The following GAB1 variants were observed in gnomAD, a reference collection of about 807,000 sequenced individuals.
GAB1 encodes the protein GRB2-associated-binding protein 1.
A neutral mutation model predicts 66.5 loss-of-function variants in GAB1; 19 were observed. The observed-to-expected ratio is 0.29, with a 90% CI of 0.20 to 0.42. The LOEUF (loss-of-function observed/expected upper bound fraction) is 0.42. Ranked by LOEUF, GAB1 falls within the 10% of genes least tolerant of loss-of-function variation. The probability of loss-of-function intolerance (pLI) is 1.00; values close to 1 mark genes in which losing one functional copy is unlikely to be tolerated. For synonymous variants in GAB1, 294 were observed against 301.4 expected (o/e 0.98, Z 0.25); for missense variants, 732 against 858.5 (o/e 0.85, Z 1.84).
intron 1 of GAB1, among the ~76,000 whole-genome samples, chr4:143,344,247 G>T (rs1321645280): frequency 6.6e-6 from 1 of 152,162 alleles, no homozygotes; most frequent in Non-Finnish European, 1.5e-5. Context: ...TAGCCCAGCT[G>T]TGTGAGTGCC....
intron 8 of GAB1, 70 bp from the exon 9 acceptor site, chr4:143,466,033 G>A: frequency 2.6e-6 from 4 of 1,537,696 alleles, no homozygotes; most frequent in African/African-American, 1.4e-5. Context: ...GGCTTCCGTA[G>A]ATGTTCAACA....
At chr4:143,405,174 C>T (rs1418701439) in intron 1 of GAB1, among the ~76,000 whole-genome samples, 1 of 152,118 alleles carries the variant, frequency 6.6e-6, no homozygotes, top group Non-Finnish European at 1.5e-5. Context: ...ACATTCTACC[C>T]TCTGAGAGAC....
intron 3 of GAB1, chr4:143,434,233 A>C: frequency 1.4e-6 from 1 of 699,378 alleles, no homozygotes. Context: ...ATCCCAATAT[A>C]GCAAATTCCA....
chr4:143,348,328 T>C (rs947436037), intron 1 of GAB1, among the ~76,000 whole-genome samples: 2 of 152,224 alleles, frequency 1.3e-5, no homozygotes, highest in African/African-American at 2.4e-5. Context: ...ACTGCTTATA[T>C]AGCCCACAGC....
intron 8 of GAB1, among the ~76,000 whole-genome samples, chr4:143,460,856 C>T (rs944210823): frequency 4.3e-4 from 66 of 152,180 alleles, no homozygotes; most frequent in Non-Finnish European, 9.1e-4. Context: ...AGTTATATGT[C>T]ATTTAAGAGA....
chr4:143,391,338 A>G (rs902034796), intron 1 of GAB1: 1 of 152,200 alleles, frequency 6.6e-6, no homozygotes, highest in Non-Finnish European at 1.5e-5. Flanking sequence ...AAATCAAGGT[A>G]AACCTTGAGG....
At chr4:143,362,017 C>G (rs1729683522) in intron 1 of GAB1, among the ~76,000 whole-genome samples, 1 of 151,830 alleles carries the variant, frequency 6.6e-6, no homozygotes, top group Non-Finnish European at 1.5e-5. Context: ...CCTTGGCCTC[C>G]CAAGGTGCTG....
Position 143,438,486 on chromosome 4 carries a change from A to C in GAB1, c.1081A>C (p.Ser361Arg). ...TGACCGATCTCCTGTGGAAACGTGT[A>C]GTATCCCACGCACCGCCTCAGACAC... Reference protein sequence around the residue: ...AHDRSPVETCSIPRTASDTDS... With the variant: ...AHDRSPVETCRIPRTASDTDS... The change falls in exon 4 of 10, where the codon AGT becomes CGT. Residue 361 changes from serine (S) to arginine (R), a missense_variant. By Grantham distance (110) the Ser-to-Arg change is moderately radical (BLOSUM62 -1). This residue lies in a region of GAB1 where 427 missense variants were observed against 420.6 expected (regional missense o/e 1.02). Coordinates refer to ENST00000262994, the MANE Select transcript of GAB1 (RefSeq NM_002039.4). 6 of 1,614,016 alleles carry C rather than the reference A, an allele frequency of 3.7e-6. No homozygotes were observed. Among genetic ancestry groups the C allele is most frequent in the Non-Finnish European group, 5.1e-6 (6 of 1,179,968 alleles).
intron 1 of GAB1, among the ~76,000 whole-genome samples, chr4:143,368,457 T>C (rs377273486): frequency 2.5e-4 from 38 of 152,334 alleles, no homozygotes; most frequent in African/African-American, 8.2e-4. Context: ...GTAGGAATTA[T>C]AAAAGCTTTA....
At chr4:143,408,701 A>C (rs996386367) in intron 1 of GAB1, among the ~76,000 whole-genome samples, 1 of 152,152 alleles carries the variant, frequency 6.6e-6, no homozygotes, top group African/African-American at 2.4e-5. Flanking sequence ...CAAAAATAGC[A>C]TTTTCATTTT....
At chr4:143,359,567 G>C (rs1423882816) in intron 1 of GAB1, among the ~76,000 whole-genome samples, 1 of 152,190 alleles carries the variant, frequency 6.6e-6, no homozygotes, top group Admixed American at 6.5e-5. Context: ...CTGCTCTTCA[G>C]TGTTTAACAT....
intron 1 of GAB1, among the ~76,000 whole-genome samples, chr4:143,363,626 C>A (rs1206724625): frequency 6.6e-6 from 1 of 152,100 alleles, no homozygotes; most frequent in East Asian, 1.9e-4. Context: ...ATGCTCGCCT[C>A]TGTAGTTTGA....
intron 1 of GAB1, among the ~76,000 whole-genome samples, chr4:143,358,086 T>C (rs1033758271): frequency 3.9e-5 from 6 of 152,132 alleles, no homozygotes; most frequent in Non-Finnish European, 7.4e-5. Flanking sequence ...GCCCTAAATT[T>C]TCAACAGACA....
chr4:143,379,748 G>A (rs867660341), intron 1 of GAB1, among the ~76,000 whole-genome samples: 11 of 151,918 alleles, frequency 7.2e-5, no homozygotes, highest in South Asian at 6.3e-4. Flanking sequence ...CACAGTGCCC[G>A]GCTAATTTTT....
At chr4:143,388,408 C>T (rs1392317848) in intron 1 of GAB1, among the ~76,000 whole-genome samples, 1 of 152,054 alleles carries the variant, frequency 6.6e-6, no homozygotes, top group African/African-American at 2.4e-5. Context: ...AGTGCAAATG[C>T]AAATAGAGGT....
intron 3 of GAB1, 110 bp downstream of exon 3, chr4:143,433,826 G>C (rs1733802743): frequency 2.3e-6 from 2 of 854,878 alleles, no homozygotes; most frequent in Admixed American, 4.4e-5. Context: ...GCTTGAAAGA[G>C]ACCATCTGTA....
chr4:143,375,613 A>G (rs1490647998), intron 1 of GAB1, among the ~76,000 whole-genome samples: 1 of 152,240 alleles, frequency 6.6e-6, no homozygotes, highest in Admixed American at 6.5e-5. Flanking sequence ...CTTCCTTTTT[A>G]GGAGTTAAAA....
intron 6 of GAB1, among the ~76,000 whole-genome samples, chr4:143,450,512 C>T (rs1734862209): frequency 1.3e-5 from 2 of 152,224 alleles, no homozygotes; most frequent in Middle Eastern, 3.4e-3. Context: ...TGAAATGTGA[C>T]CTCACATGAC....
intron 3 of GAB1, among the ~76,000 whole-genome samples, chr4:143,437,177 T>C (rs1232879489): frequency 6.6e-6 from 1 of 152,180 alleles, no homozygotes; most frequent in Non-Finnish European, 1.5e-5. Context: ...TAAAGAAATA[T>C]TGTTTAAATT....
Sources: allele counts gnomAD v4.1 joint callset (sites outside exome capture counted in the v4.1 genomes callset), GRCh38; gene constraint gnomAD v4.1.1; regional missense constraint gnomAD v4.1.1; transcripts MANE v1.5; gene names NCBI Gene and HGNC (gene_info 2026-07-23, HGNC 2026-07-21).